LRMDA: variants seen among roughly 807,000 people sequenced by gnomAD.
LRMDA encodes the protein leucine-rich melanocyte differentiation-associated protein.
In LRMDA, 18 loss-of-function variants were observed where a neutral mutation model predicts 29.8. The observed-to-expected ratio is 0.60, with a 90% confidence interval of 0.42 to 0.90. LRMDA has a LOEUF of 0.90. Among genes scored for constraint, LRMDA ranks in the 40% least tolerant of loss-of-function variants. LRMDA has a pLI of 0.00. For synonymous variants in LRMDA, 125 were observed against 109.4 expected, an observed-to-expected ratio of 1.14 and a Z score of -0.89; for missense variants, 273 against 273.9, an observed-to-expected ratio of 1.00 and a Z score of 0.02.
At chr10:76,294,582 C>T (rs539318830) in intron 5 of LRMDA, among the ~76,000 whole-genome samples, 42 of 152,220 alleles carry the variant, frequency 2.8e-4, no homozygotes, top group Non-Finnish European at 5.3e-4. Context: ...TTTTTATTAA[C>T]TTTCAAAGTA....
chr10:75,720,957 G>C (rs1019915353), intron 2 of LRMDA, among the ~76,000 whole-genome samples: 1 of 152,146 alleles, frequency 6.6e-6, no homozygotes, highest in African/African-American at 2.4e-5. Context: ...GTTTCATCAG[G>C]GTATTTCAAA....
At chr10:75,949,237 T>A (rs574673678) in intron 2 of LRMDA, among the ~76,000 whole-genome samples, 2 of 151,936 alleles carry the variant, frequency 1.3e-5, no homozygotes, top group Admixed American at 6.6e-5. Context: ...GCAAAAAAGG[T>A]TTGTCGTTAG....
chr10:76,238,380 GAC>G (rs1431385247), intron 5 of LRMDA, among the ~76,000 whole-genome samples: 3 of 152,240 alleles, frequency 2.0e-5, no homozygotes, highest in East Asian at 3.9e-4. Flanking sequence ...CTTATTAAGT[GAC>G]AGAGCCACGA....
intron 6 of LRMDA, among the ~76,000 whole-genome samples, chr10:76,452,652 G>C (rs1275584883): frequency 6.6e-6 from 1 of 152,160 alleles, no homozygotes; most frequent in Non-Finnish European, 1.5e-5. Flanking sequence ...CCAGGAAGAA[G>C]ATATTTTTAT....
At chr10:75,767,431 A>G (rs760155698) in intron 2 of LRMDA, among the ~76,000 whole-genome samples, 8 of 152,156 alleles carry the variant, frequency 5.3e-5, no homozygotes, top group Non-Finnish European at 1.0e-4. Flanking sequence ...TGTTGGCTGC[A>G]TAAGTTTTCT....
At chr10:75,541,558 T>C (rs903966735) in intron 2 of LRMDA, among the ~76,000 whole-genome samples, 1 of 152,126 alleles carries the variant, frequency 6.6e-6, no homozygotes, top group Non-Finnish European at 1.5e-5. Context: ...TAGGGAGCCC[T>C]GAGAAATGCG....
intron 6 of LRMDA, among the ~76,000 whole-genome samples, chr10:76,484,124 C>T (rs1842758783): frequency 1.3e-5 from 2 of 151,658 alleles, no homozygotes; most frequent in Admixed American, 6.6e-5. Flanking sequence ...TCTTCCTCCT[C>T]TTTCTCCCTT....
chr10:75,949,990 A>G (rs1364567752), intron 2 of LRMDA, among the ~76,000 whole-genome samples: 1 of 152,166 alleles, frequency 6.6e-6, no homozygotes, highest in African/African-American at 2.4e-5. Context: ...AGGTCCTTCC[A>G]GTTTTGCAGG....
At chr10:75,491,517 G>T (rs906917197) in intron 2 of LRMDA, among the ~76,000 whole-genome samples, 2 of 152,102 alleles carry the variant, frequency 1.3e-5, no homozygotes, top group African/African-American at 4.8e-5. Context: ...TTAAGAAGCC[G>T]CCAGGGCCAG....
rs191559388 is a variant in LRMDA at position 75,877,215 on chromosome 10, G to A, written c.132-158793G>A. ...ATTGGTGGAACCCATTCTCTGCTGG[G>A]CTTACGTCCCCTTTCCTTAATGAGC... is the stretch of plus-strand genomic sequence containing the variant. On this transcript the variant is annotated intron_variant, in intron 2 of 6. Transcript: ENST00000611255. Among the ~76,000 whole-genome samples, 232 of 152,290 alleles carry A rather than the reference G, an allele frequency of 1.5e-3. 1 individual carries two copies. Among genetic ancestry groups the A allele is most frequent in the African/African-American group, 5.3e-3 (221 of 41,554 alleles).
intron 5 of LRMDA, among the ~76,000 whole-genome samples, chr10:76,075,501 T>C (rs943523891): frequency 1.3e-5 from 2 of 152,208 alleles, no homozygotes; most frequent in African/African-American, 4.8e-5. Flanking sequence ...ACCCAATCAA[T>C]GATATTTTGT....
chr10:75,857,720 C>T (rs1041059598), intron 2 of LRMDA, among the ~76,000 whole-genome samples: 8 of 152,198 alleles, frequency 5.3e-5, no homozygotes, highest in Non-Finnish European at 1.2e-4. Context: ...ACTGTAGATG[C>T]AGGGCAAATC....
At chr10:75,559,175 A>G (rs1840257336) in intron 2 of LRMDA, among the ~76,000 whole-genome samples, 1 of 152,198 alleles carries the variant, frequency 6.6e-6, no homozygotes, top group African/African-American at 2.4e-5. Context: ...CTATTTCTCT[A>G]CATCCTTTAC....
At chr10:75,635,171 C>G (rs1038676672) in intron 2 of LRMDA, among the ~76,000 whole-genome samples, 1 of 152,124 alleles carries the variant, frequency 6.6e-6, no homozygotes, top group Non-Finnish European at 1.5e-5. Context: ...GACCTTTGCA[C>G]TACATTTGTG....
intron 2 of LRMDA, among the ~76,000 whole-genome samples, chr10:75,822,120 G>T (rs1396943719): frequency 6.6e-6 from 1 of 152,144 alleles, no homozygotes; most frequent in African/African-American, 2.4e-5. Flanking sequence ...CTTCAGTAAA[G>T]TTCCAGGATG....
intron 4 of LRMDA, among the ~76,000 whole-genome samples, chr10:76,053,277 C>A (rs983046457): frequency 6.6e-6 from 1 of 152,178 alleles, no homozygotes; most frequent in Non-Finnish European, 1.5e-5. Flanking sequence ...GTCATCTGGA[C>A]TAGCCCTTGT....
chr10:75,896,442 T>G (rs1444991664), intron 2 of LRMDA, among the ~76,000 whole-genome samples: 1 of 152,224 alleles, frequency 6.6e-6, no homozygotes, highest in African/African-American at 2.4e-5. Flanking sequence ...TAATTGTGAT[T>G]TTCTCCTCTT....
At chr10:76,089,472 A>G (rs533941107) in intron 5 of LRMDA, among the ~76,000 whole-genome samples, 20 of 152,368 alleles carry the variant, frequency 1.3e-4, no homozygotes, top group Admixed American at 1.0e-3. Flanking sequence ...ATCCTCCGCA[A>G]CCACTTTGAG....
chr10:75,574,346 G>A (rs532328781), intron 2 of LRMDA, among the ~76,000 whole-genome samples: 2 of 152,292 alleles, frequency 1.3e-5, no homozygotes, highest in South Asian at 4.1e-4. Flanking sequence ...ATTTCTTTAA[G>A]AGTGTTGTGA....
Sources: allele counts gnomAD v4.1 joint callset (sites outside exome capture counted in the v4.1 genomes callset), GRCh38; gene constraint gnomAD v4.1.1; transcripts MANE v1.5; gene names NCBI Gene and HGNC (gene_info 2026-07-23, HGNC 2026-07-21).